PDE1A: variants seen among roughly 807,000 people sequenced by gnomAD.
PDE1A encodes dual specificity calcium/calmodulin-dependent 3',5'-cyclic nucleotide phosphodiesterase 1A.
PDE1A carries 35 observed loss-of-function variants against 61.7 expected under a neutral mutation model. The ratio of observed to expected loss-of-function variants is 0.57; its 90% confidence interval spans 0.43 to 0.75. The LOEUF is 0.75. Among genes scored for constraint, PDE1A ranks in the 30% least tolerant of loss-of-function variants. The pLI is 0.00. For synonymous variants in PDE1A, 232 were observed against 213.2 expected (o/e 1.09, Z -0.77); for missense variants, 597 against 630.6 (o/e 0.95, Z 0.57).
At chr2:182,458,218 C>T (rs892626012) in intron 2 of PDE1A, among the ~76,000 whole-genome samples, 2 of 151,974 alleles carry the variant, frequency 1.3e-5, no homozygotes. Context: ...GAGAAGGCTT[C>T]CTCAAATCCA....
intron 1 of PDE1A, among the ~76,000 whole-genome samples, chr2:182,410,500 A>C (rs1031861218): frequency 5.3e-5 from 8 of 152,220 alleles, no homozygotes; most frequent in African/African-American, 1.7e-4. Context: ...AACAATAATA[A>C]GCAATCTAAA....
intron 12 of PDE1A, 68 bp downstream of exon 12, chr2:182,186,399 TA>T (rs1574611825): frequency 6.6e-7 from 1 of 1,525,620 alleles, no homozygotes; most frequent in East Asian, 2.3e-5. Flanking sequence ...GTGAGAAATA[TA>T]ATCATTAAGG....
At chr2:182,497,047 CAATT>C (rs1688758411) in intron 2 of PDE1A, among the ~76,000 whole-genome samples, 1 of 151,938 alleles carries the variant, frequency 6.6e-6, no homozygotes, top group African/African-American at 2.4e-5. Context: ...GTTTTCCAGA[CAATT>C]AAAGTGAAAA....
intron 2 of PDE1A, among the ~76,000 whole-genome samples, chr2:182,252,352 CCTGTAACT>C (rs1385098785): frequency 2.0e-5 from 3 of 152,026 alleles, no homozygotes; most frequent in Non-Finnish European, 4.4e-5. Flanking sequence ...TTTCTGTGAT[CCTGTAACT>C]CTTTGTATAT....
chr2:182,716,349 T>A, the PDE1A span: 1 of 152,242 alleles, frequency 6.6e-6, no homozygotes, highest in East Asian at 1.9e-4. Context: ...ACCAATCCCG[T>A]GCGCCGCGGC....
intron 3 of PDE1A, among the ~76,000 whole-genome samples, chr2:182,235,450 T>C (rs1343657954): frequency 1.3e-5 from 2 of 152,194 alleles, no homozygotes; most frequent in Non-Finnish European, 2.9e-5. Flanking sequence ...CCAACAAAAC[T>C]GTTTTTAATA....
the PDE1A span, among the ~76,000 whole-genome samples, chr2:182,578,883 G>C: frequency 6.6e-6 from 1 of 152,114 alleles, no homozygotes; most frequent in Non-Finnish European, 1.5e-5. Context: ...TGACCTTGTT[G>C]CAATAACAAA....
At chr2:182,199,639 A>C (rs989313384) in intron 10 of PDE1A, among the ~76,000 whole-genome samples, 3 of 152,102 alleles carry the variant, frequency 2.0e-5, no homozygotes, top group South Asian at 2.1e-4. Flanking sequence ...TGATTGATTG[A>C]GTATATCATT....
At chr2:182,314,057 AAT>A (rs1696172223) in intron 1 of PDE1A, among the ~76,000 whole-genome samples, 1 of 152,210 alleles carries the variant, frequency 6.6e-6, no homozygotes, top group African/African-American at 2.4e-5. Flanking sequence ...TAATGAACAC[AAT>A]ATGTTAATAC....
At chr2:182,207,518 A>C (rs1180186040) in intron 7 of PDE1A, among the ~76,000 whole-genome samples, 1 of 152,222 alleles carries the variant, frequency 6.6e-6, no homozygotes, top group Non-Finnish European at 1.5e-5. Flanking sequence ...ATTTGCATAA[A>C]GAAAGAAATT....
the PDE1A span, among the ~76,000 whole-genome samples, chr2:182,542,183 T>C: frequency 6.6e-6 from 1 of 152,164 alleles, no homozygotes; most frequent in Non-Finnish European, 1.5e-5. Flanking sequence ...CATCTATACC[T>C]ATGCGATTTC....
chr2:182,634,462 G>A, the PDE1A span, among the ~76,000 whole-genome samples: 1 of 152,120 alleles, frequency 6.6e-6, no homozygotes, highest in Non-Finnish European at 1.5e-5. Context: ...GAACAAGGCA[G>A]ACTAAAGAGC....
rs572934832 is a variant in PDE1A, at chr2:182,403,415, C to T, written c.53+23163G>A. ...GAGATCGAGACCATCCTGGCTAACACGGTGAAACCCCGTCTCTACTAAAAA... is the reference window on the plus strand; with the variant it reads ...GAGATCGAGACCATCCTGGCTAACATGGTGAAACCCCGTCTCTACTAAAAA... On this transcript the variant is annotated intron_variant, in intron 1 of 13. Coordinates refer to ENST00000351439, the Ensembl canonical transcript of PDE1A. 1.6e-4 allele frequency among the ~76,000 whole-genome samples: 25 copies of T among 151,766 alleles called. No homozygotes were observed. The East Asian group carries it at 1.8e-3, about 11-fold the overall frequency.
At chr2:182,513,266 C>T (rs1049708457) in intron 2 of PDE1A, among the ~76,000 whole-genome samples, 2 of 152,188 alleles carry the variant, frequency 1.3e-5, no homozygotes, top group African/African-American at 4.8e-5. Flanking sequence ...AAAAACTCTA[C>T]AAGCCAGAAG....
chr2:182,488,996 T>A (rs1171920397), intron 2 of PDE1A, among the ~76,000 whole-genome samples: 1 of 152,192 alleles, frequency 6.6e-6, no homozygotes, highest in Non-Finnish European at 1.5e-5. Context: ...AAATAGTATG[T>A]CAGAAGGTGA....
intron 2 of PDE1A, among the ~76,000 whole-genome samples, chr2:182,516,103 T>C (rs1314542756): frequency 6.6e-6 from 1 of 152,084 alleles, no homozygotes; most frequent in Non-Finnish European, 1.5e-5. Flanking sequence ...ACAAACTCAG[T>C]GGCTTGAAAT....
At chr2:182,412,347 TC>T (rs1702667267) in intron 1 of PDE1A, among the ~76,000 whole-genome samples, 1 of 152,194 alleles carries the variant, frequency 6.6e-6, no homozygotes, top group Non-Finnish European at 1.5e-5. Flanking sequence ...GTTTATTCAT[TC>T]AATATCTGAC....
At chr2:182,556,840 A>C in the PDE1A span, among the ~76,000 whole-genome samples, 1 of 152,232 alleles carries the variant, frequency 6.6e-6, no homozygotes, top group Non-Finnish European at 1.5e-5. Context: ...TTCATATAGT[A>C]AGCCTGGTAC....
At position 182,363,469 on chromosome 2, in the gene PDE1A, AC is replaced by A. The variant is rs369372550; in HGVS notation, c.53+63108del. On this transcript the variant is annotated intron_variant, in intron 1 of 13. Transcript: ENST00000351439. ...TTGATCCAGGGTAGCAACTTTAAGT[AC>A]GATAGCCAGAGAAGACCTTTCTAAG... Among the ~76,000 whole-genome samples the A allele has an allele frequency of 4.6e-3, 696 of 152,150 alleles. 5 individuals carry two copies. The highest frequency in any genetic ancestry group is 0.029 in the South Asian group (141 of 4,830).
Sources: gnomAD v4.1 joint callset for allele counts (sites outside exome capture counted in the v4.1 genomes callset) on GRCh38, gnomAD v4.1.1 for gene constraint, MANE v1.5 for transcripts, NCBI Gene and HGNC (gene_info 2026-07-23, HGNC 2026-07-21) for gene names.